The following RSPH14 variants were observed in gnomAD, a reference collection of about 807,000 sequenced individuals.
The protein encoded by RSPH14 is rhabdoid tumor deletion region gene 1.
RSPH14 carries 20 observed loss-of-function variants against 26.7 expected under a neutral mutation model. The ratio of observed to expected loss-of-function variants is 0.75; its 90% CI spans 0.53 to 1.09. RSPH14 has a LOEUF of 1.09. Among genes scored for constraint, RSPH14 ranks in the 50% least tolerant of loss-of-function variants. The pLI, the probability that RSPH14 is intolerant of heterozygous loss-of-function variation, is 0.00. For synonymous variants in RSPH14, 177 were observed against 189.3 expected (o/e 0.93, Z 0.53); for missense variants, 449 against 457.2 (o/e 0.98, Z 0.16).
chr22:23,063,817 G>T, intron 5 of RSPH14, 85 bp downstream of exon 5: 1 of 1,309,702 alleles, frequency 7.6e-7, no homozygotes, highest in Non-Finnish European at 1.1e-6. Flanking sequence ...GCAGGCCCAG[G>T]GTGGCCGCCC....
At chr22:23,160,432 T>C in the RSPH14 span, among the ~76,000 whole-genome samples, 1 of 152,178 alleles carries the variant, frequency 6.6e-6, no homozygotes, top group Non-Finnish European at 1.5e-5. Context: ...TGGAGGAGGA[T>C]GCATAAAGGC....
upstream of RSPH14, among the ~76,000 whole-genome samples, chr22:23,143,443 A>G (rs2070636149): frequency 6.6e-6 from 1 of 152,198 alleles, no homozygotes; most frequent in South Asian, 2.1e-4. Flanking sequence ...GTACCAGGGC[A>G]AGAAAATAGC....
At chr22:23,163,081 T>G in the RSPH14 span, 5 of 240,052 alleles carry the variant, frequency 2.1e-5, no homozygotes, top group South Asian at 2.5e-4. Flanking sequence ...CTGGCTAATT[T>G]TGTATTTTTA....
At chr22:23,105,634 T>C (rs1386557745) in intron 4 of RSPH14, among the ~76,000 whole-genome samples, 4 of 152,254 alleles carry the variant, frequency 2.6e-5, no homozygotes, top group African/African-American at 9.6e-5. Context: ...GAGGGGTTTC[T>C]CACACTGTGC....
chr22:23,085,987 T>A (rs2068808306), intron 4 of RSPH14, among the ~76,000 whole-genome samples: 1 of 152,258 alleles, frequency 6.6e-6, no homozygotes, highest in African/African-American at 2.4e-5. Flanking sequence ...CAACAGCCAG[T>A]GGCCTTGCCT....
At chr22:23,108,803 C>T (rs1385843734) in intron 4 of RSPH14, among the ~76,000 whole-genome samples, 1 of 152,244 alleles carries the variant, frequency 6.6e-6, no homozygotes, top group Admixed American at 6.5e-5. Context: ...CTGGCCACCC[C>T]AAGTGTTAGC....
rs188148255 is a variant in RSPH14 at position 23,098,800 on chromosome 22, G to A, written c.422-34667C>T. On this transcript the variant is annotated intron_variant, in intron 4 of 6. Transcript: ENST00000216036. ...GCGATTCCTCCCGCAGGCTGGGCTG[G>A]CCCCGGAGGTGAGCTGGCCCCCAGA... Among the ~76,000 whole-genome samples, 509 of 152,370 alleles carry A rather than the reference G, an allele frequency of 3.3e-3. 1 individual carries two copies. The highest frequency in any genetic ancestry group is 6.4e-3 in the South Asian group (31 of 4,832).
chr22:23,169,135 T>C, the RSPH14 span, among the ~76,000 whole-genome samples: 3 of 152,198 alleles, frequency 2.0e-5, no homozygotes, highest in Non-Finnish European at 4.4e-5. Flanking sequence ...GGCCCAGGTC[T>C]GGAAGGGAAG....
chr22:23,073,285 C>G (rs1022462744), intron 4 of RSPH14, among the ~76,000 whole-genome samples: 6 of 152,240 alleles, frequency 3.9e-5, no homozygotes, highest in African/African-American at 1.4e-4. Context: ...CTGTGCTTGG[C>G]TGGAAGGAGC....
At chr22:23,146,218 A>C (rs978472729), upstream of RSPH14, among the ~76,000 whole-genome samples, 1 of 152,074 alleles carries the variant, frequency 6.6e-6, no homozygotes, top group African/African-American at 2.4e-5. Context: ...GGTTTTATTT[A>C]TAATTCTTGA....
At chr22:23,163,260 GTC>G in the RSPH14 span, 1 of 153,826 alleles carries the variant, frequency 6.5e-6, no homozygotes, top group African/African-American at 2.4e-5. Flanking sequence ...GCGGGATGGA[GTC>G]TCTGTCACCC....
intron 4 of RSPH14, among the ~76,000 whole-genome samples, chr22:23,130,105 AAGAAAGAAAGAAAGAAAGAAAGAAAG>A (rs2070300537): frequency 1.1e-5 from 1 of 87,712 alleles, no homozygotes; most frequent in East Asian, 4.5e-4. Flanking sequence ...GAAAGAAAGA[AAGAAAGAAAGAAAGAAAGAAAGAAAG>A]AAAGAAAGAA....
chr22:23,152,926 G>T, the RSPH14 span: 1 of 801,512 alleles, frequency 1.2e-6, no homozygotes, highest in East Asian at 2.4e-5. Context: ...ATCGCTTCCT[G>T]ATGGGAAGTG....
Position 23,086,598 on chromosome 22 carries a change from C to T in RSPH14, c.422-22465G>A, listed in dbSNP as rs555880325. ...TGGGACCCAGAGTCCCCTCCCTGAC[C>T]CCACCATGCCCAGCTTCCCTGAGAA... On this transcript the variant is annotated intron_variant, in intron 4 of 6. Transcript: ENST00000216036. Among the ~76,000 whole-genome samples, 3 of 152,336 alleles carry T rather than the reference C, an allele frequency of 2.0e-5. No individual in the cohort carries two copies. The South Asian group carries it at 6.2e-4, about 32-fold the overall frequency.
At chr22:23,111,363 C>T (rs1159760532) in intron 4 of RSPH14, among the ~76,000 whole-genome samples, 1 of 152,240 alleles carries the variant, frequency 6.6e-6, no homozygotes, top group Non-Finnish European at 1.5e-5. Context: ...GAGAGGCAAG[C>T]GCACTGGACT....
chr22:23,061,705 G>A, intron 6 of RSPH14, 104 bp downstream of exon 6: 4 of 1,201,040 alleles, frequency 3.3e-6, no homozygotes, highest in Non-Finnish European at 4.6e-6. Flanking sequence ...TTTTTGCAAA[G>A]TGTGGAGTTT....
chr22:23,070,410 G>T (rs2146234202), intron 4 of RSPH14: 1 of 147,092 alleles, frequency 6.8e-6, no homozygotes, highest in East Asian at 2.0e-4. Context: ...GAACCAGGCC[G>T]GCCGGAGCGT....
At chr22:23,111,343 G>A (rs1390394901) in intron 4 of RSPH14, among the ~76,000 whole-genome samples, 2 of 152,232 alleles carry the variant, frequency 1.3e-5, no homozygotes, top group African/African-American at 4.8e-5. Context: ...TCCAAGCCCA[G>A]GCCAGGGGAG....
the RSPH14 span, chr22:23,159,097 C>A: frequency 1.3e-6 from 2 of 1,591,114 alleles, no homozygotes; most frequent in Non-Finnish European, 1.7e-6. Flanking sequence ...CAGGCAGCTG[C>A]CTATCCCCCT....
Sources: gnomAD v4.1 joint callset for allele counts (sites outside exome capture counted in the v4.1 genomes callset) on GRCh38, gnomAD v4.1.1 for gene constraint, MANE v1.5 for transcripts, NCBI Gene and HGNC (gene_info 2026-07-23, HGNC 2026-07-21) for gene names.